Variants in ACTR3B observed in about 807,000 individuals in gnomAD.
ACTR3B encodes the protein actin related protein 3B.
A neutral mutation model predicts 59.0 loss-of-function variants in ACTR3B; 8 were observed. The observed-to-expected ratio is 0.14, with a 90% CI of 0.08 to 0.24. The LOEUF (loss-of-function observed/expected upper bound fraction) is 0.24. Among genes scored for constraint, ACTR3B ranks in the 10% least tolerant of loss-of-function variants. The pLI, the probability that ACTR3B is intolerant of heterozygous loss-of-function variation, is 1.00. For missense variants in ACTR3B, 245 were observed against 552.3 expected, an observed-to-expected ratio of 0.44 and a Z score of 5.58; for synonymous variants, 148 against 197.9, an observed-to-expected ratio of 0.75 and a Z score of 2.12.
chr7:152,853,322 T>C (rs1033575849), intron 10 of ACTR3B, among the ~76,000 whole-genome samples, 172 bp from the exon 11 acceptor site: 1 of 151,818 alleles, frequency 6.6e-6, no homozygotes, highest in Non-Finnish European at 1.5e-5. Flanking sequence ...TGGTAGGTCT[T>C]AGGGGGATTT....
At chr7:152,821,840 C>T (rs187870896) in intron 7 of ACTR3B, among the ~76,000 whole-genome samples, 147 of 152,048 alleles carry the variant, frequency 9.7e-4, no homozygotes, top group African/African-American at 3.4e-3. Flanking sequence ...GAGCTCCCCC[C>T]GCTTCCCCTT....
chr7:152,773,928 GT>G (rs1308669961), intron 1 of ACTR3B, among the ~76,000 whole-genome samples: 1 of 152,108 alleles, frequency 6.6e-6, no homozygotes, highest in Non-Finnish European at 1.5e-5. Flanking sequence ...TCCTATTCCA[GT>G]CCCACAGGTA....
chr7:152,763,223 G>A (rs547674864), intron 1 of ACTR3B, among the ~76,000 whole-genome samples: 22 of 145,588 alleles, frequency 1.5e-4, no homozygotes, highest in Non-Finnish European at 2.4e-4. Flanking sequence ...GGCTGCTCAG[G>A]AGAATCACTT....
intron 4 of ACTR3B, among the ~76,000 whole-genome samples, chr7:152,807,010 T>A (rs1329298431): frequency 2.6e-5 from 4 of 152,196 alleles, no homozygotes; most frequent in Non-Finnish European, 5.9e-5. Flanking sequence ...AGGGAGCCTC[T>A]GGCCAGGAGG....
At chr7:152,833,090 G>A (rs1185539058) in intron 9 of ACTR3B, among the ~76,000 whole-genome samples, 1 of 152,210 alleles carries the variant, frequency 6.6e-6, no homozygotes, top group Non-Finnish European at 1.5e-5. Context: ...AGGGTCAAGA[G>A]GTAGCCCTTG....
intron 11 of ACTR3B, 111 bp downstream of exon 11, chr7:152,853,688 A>G: frequency 1.1e-6 from 1 of 887,410 alleles, no homozygotes. Context: ...GTGTGGCTCT[A>G]AACAGACCAT....
At chr7:152,814,696 C>T (rs142152218) in intron 5 of ACTR3B, 51 bp downstream of exon 5, 53,924 of 1,460,000 alleles carry the variant, frequency 0.037, 1,345 homozygotes, top group Middle Eastern at 0.093. Flanking sequence ...TGTCTAGTAG[C>T]GGAAGAAATG....
At chr7:152,761,295 A>C (rs1052162410) in intron 1 of ACTR3B, among the ~76,000 whole-genome samples, 1 of 152,102 alleles carries the variant, frequency 6.6e-6, no homozygotes, top group Non-Finnish European at 1.5e-5. Context: ...CAATGGGTTC[A>C]CCTCAGGTCC....
At chr7:152,839,305 A>C (rs1797703982) in intron 9 of ACTR3B, among the ~76,000 whole-genome samples, 1 of 142,124 alleles carries the variant, frequency 7.0e-6, no homozygotes, top group South Asian at 2.2e-4. Context: ...TGGATCCTGC[A>C]TGGTGGTGAG....
rs548692732 is a variant in ACTR3B at position 152,768,057 on chromosome 7, C to T, written c.44+8131C>T. On this transcript the variant is annotated intron_variant, in intron 1 of 11. Transcript: ENST00000256001. Reference sequence around the variant, plus strand: ...CCAACATGGCAAAACCCTGTCTCTTCTAAAAATACAAAAAAATTAGCTGGG... The same window carrying T: ...CCAACATGGCAAAACCCTGTCTCTTTTAAAAATACAAAAAAATTAGCTGGG... Among the ~76,000 whole-genome samples the T allele has an allele frequency of 4.5e-4, 68 of 152,228 alleles. 1 individual carries two copies. Among genetic ancestry groups the T allele is most frequent in the African/African-American group, 1.5e-3 (64 of 41,568 alleles).
At chr7:152,835,091 C>A (rs1797338870) in intron 9 of ACTR3B, among the ~76,000 whole-genome samples, 1 of 151,662 alleles carries the variant, frequency 6.6e-6, no homozygotes, top group African/African-American at 2.4e-5. Context: ...TGGATTTTGG[C>A]TTTTGTGGGA....
intron 9 of ACTR3B, among the ~76,000 whole-genome samples, chr7:152,847,419 A>G (rs1189770756): frequency 6.6e-6 from 1 of 152,144 alleles, no homozygotes; most frequent in Non-Finnish European, 1.5e-5. Flanking sequence ...CAAAATGAGA[A>G]CCCAGCATCC....
chr7:152,796,006 G>T (rs1421707415), intron 2 of ACTR3B, among the ~76,000 whole-genome samples: 1 of 152,034 alleles, frequency 6.6e-6, no homozygotes, highest in East Asian at 1.9e-4. Context: ...CCCATGCCTG[G>T]CTAATTTTTG....
At chr7:152,792,165 G>A (rs561360099) in intron 2 of ACTR3B, among the ~76,000 whole-genome samples, 16 of 152,210 alleles carry the variant, frequency 1.1e-4, no homozygotes, top group Non-Finnish European at 2.1e-4. Flanking sequence ...GGGATTACAG[G>A]TGTGAGCCAC....
At chr7:152,797,866 C>T (rs972120848) in intron 2 of ACTR3B, among the ~76,000 whole-genome samples, 41 of 149,642 alleles carry the variant, frequency 2.7e-4, no homozygotes, top group Non-Finnish European at 5.2e-4. Context: ...GCAGAATTTC[C>T]TTTTTTTTTT....
chr7:152,806,630 C>T (rs1225525066), intron 4 of ACTR3B, among the ~76,000 whole-genome samples: 1 of 152,168 alleles, frequency 6.6e-6, no homozygotes, highest in East Asian at 1.9e-4. Flanking sequence ...CAGCTATCAC[C>T]TCTGTGTTCC....
chr7:152,796,222 A>T (rs1162886377), intron 2 of ACTR3B, among the ~76,000 whole-genome samples: 1 of 152,124 alleles, frequency 6.6e-6, no homozygotes, highest in Non-Finnish European at 1.5e-5. Flanking sequence ...TTCCTCCTTC[A>T]ATTTGTTGCT....
chr7:152,823,268 C>A, intron 7 of ACTR3B, 74 bp from the exon 8 acceptor site: 2 of 1,577,808 alleles, frequency 1.3e-6, no homozygotes, highest in Non-Finnish European at 1.7e-6. Context: ...TCATGGGCTT[C>A]CTGGTTATTT....
intron 4 of ACTR3B, chr7:152,813,319 T>G (rs1407389970): frequency 1.4e-5 from 2 of 148,136 alleles, no homozygotes; most frequent in Non-Finnish European, 3.0e-5. Flanking sequence ...ATACGAGATA[T>G]AGACCCATAT....
Sources: gnomAD v4.1 joint callset for allele counts (sites outside exome capture counted in the v4.1 genomes callset) on GRCh38, gnomAD v4.1.1 for gene constraint, MANE v1.5 for transcripts, NCBI Gene and HGNC (gene_info 2026-07-23, HGNC 2026-07-21) for gene names.